Variants in GLRB observed in about 807,000 individuals in gnomAD.
The protein encoded by GLRB is glycine receptor beta.
Under a neutral mutation model 54.2 loss-of-function variants are expected in GLRB, and 33 were observed. The ratio of observed to expected loss-of-function variants is 0.61; its 90% CI spans 0.46 to 0.81. GLRB has a LOEUF of 0.81. Ranked by LOEUF, GLRB falls within the 40% of genes least tolerant of loss-of-function variation. The pLI is 0.00. For missense variants in GLRB, 572 were observed against 584.6 expected, an observed-to-expected ratio of 0.98 and a Z score of 0.22; for synonymous variants, 209 against 208.2, an observed-to-expected ratio of 1.00 and a Z score of -0.03.
At chr4:157,118,819 A>C (rs1003859896) in intron 2 of GLRB, among the ~76,000 whole-genome samples, 1 of 151,614 alleles carries the variant, frequency 6.6e-6, no homozygotes, top group Admixed American at 6.6e-5. Flanking sequence ...TTTCCTTCAT[A>C]TAAATTAATA....
intron 9 of GLRB, among the ~76,000 whole-genome samples, chr4:157,155,731 G>A (rs1478004375): frequency 2.0e-5 from 3 of 152,142 alleles, no homozygotes; most frequent in Non-Finnish European, 4.4e-5. Context: ...TTTTGGTCGA[G>A]TAGTGATCAG....
At chr4:157,096,995 C>T (rs1268008459) in intron 2 of GLRB, among the ~76,000 whole-genome samples, 1 of 152,022 alleles carries the variant, frequency 6.6e-6, no homozygotes, top group Non-Finnish European at 1.5e-5. Flanking sequence ...TTGCTTAATT[C>T]CTTGGTTTTA....
At chr4:157,112,405 T>A (rs1735455349) in intron 2 of GLRB, among the ~76,000 whole-genome samples, 1 of 151,868 alleles carries the variant, frequency 6.6e-6, no homozygotes, top group African/African-American at 2.4e-5. Flanking sequence ...GGAAATTCTC[T>A]GAAACTGTTA....
chr4:157,111,448 G>T (rs1184188600), intron 2 of GLRB, among the ~76,000 whole-genome samples: 2 of 151,920 alleles, frequency 1.3e-5, no homozygotes, highest in African/African-American at 4.8e-5. Context: ...TGGTCCAACT[G>T]CTTCACTCCA....
chr4:157,134,805 G>A (rs902405199), intron 4 of GLRB, among the ~76,000 whole-genome samples: 1 of 152,124 alleles, frequency 6.6e-6, no homozygotes, highest in Admixed American at 6.6e-5. Flanking sequence ...AGAACTGAAT[G>A]TGTAGGAGAC....
At chr4:157,127,908 G>T (rs1226099336) in intron 4 of GLRB, among the ~76,000 whole-genome samples, 2 of 151,870 alleles carry the variant, frequency 1.3e-5, no homozygotes, top group Non-Finnish European at 2.9e-5. Flanking sequence ...TGTGGTGCTT[G>T]AAGCCACTAT....
At chr4:157,153,979 A>G (rs1737127246) in intron 9 of GLRB, among the ~76,000 whole-genome samples, 1 of 152,202 alleles carries the variant, frequency 6.6e-6, no homozygotes, top group Admixed American at 6.5e-5. Context: ...CCATGCTTGT[A>G]TGGTGCTGCC....
chr4:157,171,494 C>T lies in GLRB; in HGVS notation c.*766C>T, dbSNP rs959427321. Reference sequence around the variant, plus strand: ...AACCTAAATGTATTTTCATGGATTTCATTTGTTGGTACATATTACACAAAA... The same window carrying T: ...AACCTAAATGTATTTTCATGGATTTTATTTGTTGGTACATATTACACAAAA... On this transcript the variant is annotated 3_prime_UTR_variant, in exon 10 of 10. Transcript: ENST00000264428. 1 of 152,202 alleles carries T rather than the reference C, an allele frequency of 6.6e-6. No individual in the cohort carries two copies. Among genetic ancestry groups the T allele is most frequent in the Admixed American group, 6.6e-5 (1 of 15,238 alleles). 9.4% of individuals were successfully genotyped at this position (152,202 alleles called of 1,614,324 possible). A position where few individuals can be genotyped will look rare whatever the true frequency, so the allele number is the denominator to read the frequency against.
At chr4:157,092,570 G>C (rs1734658743) in intron 2 of GLRB, among the ~76,000 whole-genome samples, 1 of 151,990 alleles carries the variant, frequency 6.6e-6, no homozygotes, top group Non-Finnish European at 1.5e-5. Context: ...AAAATATCTG[G>C]GTCACCTTAT....
chr4:157,157,794 A>C (rs1203934025), intron 9 of GLRB, among the ~76,000 whole-genome samples: 1 of 152,196 alleles, frequency 6.6e-6, no homozygotes, highest in Non-Finnish European at 1.5e-5. Flanking sequence ...GTGCCGCAAT[A>C]AACATATGTG....
chr4:157,109,320 A>G (rs191869620), intron 2 of GLRB, among the ~76,000 whole-genome samples: 1 of 151,990 alleles, frequency 6.6e-6, no homozygotes, highest in East Asian at 2.0e-4. Context: ...TTCCTTCCTC[A>G]GATTTGGGAT....
At chr4:157,090,133 A>G (rs1020925489) in intron 2 of GLRB, among the ~76,000 whole-genome samples, 1 of 152,088 alleles carries the variant, frequency 6.6e-6, no homozygotes. Flanking sequence ...GTGGATCTCA[A>G]ATTGTTGGTC....
chr4:157,159,943 G>C (rs1287127510), intron 9 of GLRB, among the ~76,000 whole-genome samples: 2 of 152,106 alleles, frequency 1.3e-5, no homozygotes, highest in Admixed American at 1.3e-4. Flanking sequence ...GTAGAATTTG[G>C]CTGTGAATCC....
At chr4:157,079,626 C>T (rs1388009441) in intron 2 of GLRB, among the ~76,000 whole-genome samples, 1 of 152,124 alleles carries the variant, frequency 6.6e-6, no homozygotes, top group Admixed American at 6.5e-5. Context: ...TTGTGTGTCC[C>T]TCCTTGGCCA....
intron 9 of GLRB, among the ~76,000 whole-genome samples, 187 bp downstream of exon 9, chr4:157,153,197 G>A (rs1401606989): frequency 2.0e-5 from 3 of 152,110 alleles, no homozygotes; most frequent in Non-Finnish European, 4.4e-5. Flanking sequence ...CATTCAGAAC[G>A]TTTAGGTCGA....
chr4:157,157,689 A>G (rs1737289029), intron 9 of GLRB, among the ~76,000 whole-genome samples: 1 of 152,152 alleles, frequency 6.6e-6, no homozygotes, highest in African/African-American at 2.4e-5. Context: ...TTATGGCTGC[A>G]TAGTATTCCA....
chr4:157,096,272 G>T (rs1734808993), intron 2 of GLRB, among the ~76,000 whole-genome samples: 1 of 152,186 alleles, frequency 6.6e-6, no homozygotes, highest in South Asian at 2.1e-4. Context: ...TTGATTGTTG[G>T]ACATCTTACT....
chr4:157,108,627 C>T (rs74763133), intron 2 of GLRB, among the ~76,000 whole-genome samples: 2,991 of 152,140 alleles, frequency 0.02, 78 homozygotes, highest in African/African-American at 0.066. Flanking sequence ...AATGTGGTTT[C>T]CTGAAATGGA....
At chr4:157,088,587 A>G (rs1734494744) in intron 2 of GLRB, among the ~76,000 whole-genome samples, 1 of 152,156 alleles carries the variant, frequency 6.6e-6, no homozygotes. Flanking sequence ...ATTTTAAAGG[A>G]AAAGAATACA....
Sources: allele counts gnomAD v4.1 joint callset (sites outside exome capture counted in the v4.1 genomes callset), GRCh38; gene constraint gnomAD v4.1.1; transcripts MANE v1.5; gene names NCBI Gene and HGNC (gene_info 2026-07-23, HGNC 2026-07-21).